The following HS6ST3 variants were observed in gnomAD, a reference collection of about 807,000 sequenced individuals.
HS6ST3 encodes the protein heparan sulfate 6-O-sulfotransferase 3.
Under a neutral mutation model 36.7 loss-of-function variants are expected in HS6ST3, and 12 were observed. The ratio of observed to expected loss-of-function variants is 0.33; its 90% CI spans 0.21 to 0.53. HS6ST3 has a LOEUF of 0.53. HS6ST3 is among the 20% of genes least tolerant of loss of function. HS6ST3 has a pLI of 0.95. For missense variants in HS6ST3, 584 were observed against 640.9 expected (o/e 0.91, Z 0.96); for synonymous variants, 240 against 257.5 (o/e 0.93, Z 0.65).
intron 1 of HS6ST3, among the ~76,000 whole-genome samples, chr13:96,235,507 A>T (rs1010673942): frequency 2.0e-5 from 3 of 152,206 alleles, no homozygotes; most frequent in Non-Finnish European, 4.4e-5. Context: ...GTAAGATGGG[A>T]TCACCATTCC....
intron 1 of HS6ST3, among the ~76,000 whole-genome samples, chr13:96,531,325 G>A (rs940490176): frequency 6.6e-6 from 1 of 152,184 alleles, no homozygotes; most frequent in African/African-American, 2.4e-5. Flanking sequence ...TAAATATGAA[G>A]TTAAATATGG....
intron 1 of HS6ST3, among the ~76,000 whole-genome samples, chr13:96,372,989 C>T (rs778134040): frequency 1.3e-5 from 2 of 152,150 alleles, no homozygotes; most frequent in African/African-American, 4.8e-5. Flanking sequence ...GGACCATGCT[C>T]CTTCTGAAGG....
At chr13:96,324,813 C>G (rs1451492000) in intron 1 of HS6ST3, among the ~76,000 whole-genome samples, 2 of 152,304 alleles carry the variant, frequency 1.3e-5, no homozygotes, top group East Asian at 3.9e-4. Context: ...AATAGATTGT[C>G]TCTCCCAGTT....
chr13:96,305,695 G>A (rs552314804), intron 1 of HS6ST3, among the ~76,000 whole-genome samples: 4 of 151,930 alleles, frequency 2.6e-5, no homozygotes, highest in African/African-American at 9.7e-5. Flanking sequence ...ATAATTATTA[G>A]CTATTTTTAC....
chr13:96,495,329 G>A (rs189843538), intron 1 of HS6ST3, among the ~76,000 whole-genome samples: 2 of 152,104 alleles, frequency 1.3e-5, no homozygotes, highest in Admixed American at 1.3e-4. Flanking sequence ...CTCTCCTTTT[G>A]TTTTTACTTT....
chr13:96,616,514 C>T (rs1333533543), intron 1 of HS6ST3, among the ~76,000 whole-genome samples: 1 of 152,122 alleles, frequency 6.6e-6, no homozygotes, highest in Non-Finnish European at 1.5e-5. Context: ...ACAAACCCAA[C>T]CTAAGTACCC....
At chr13:96,184,969 A>G (rs944289604) in intron 1 of HS6ST3, among the ~76,000 whole-genome samples, 19 of 152,318 alleles carry the variant, frequency 1.2e-4, no homozygotes, top group Admixed American at 9.8e-4. Context: ...ATATATATCT[A>G]TTTAACTTTT....
At chr13:96,816,678 A>G (rs1924577) in intron 1 of HS6ST3, among the ~76,000 whole-genome samples, 41,734 of 152,138 alleles carry the variant, frequency 0.27, 6,006 homozygotes, top group East Asian at 0.43. Context: ...ACATGCCACA[A>G]AAGTGCTCCT....
At chr13:96,483,153 G>A (rs2055897419) in intron 1 of HS6ST3, among the ~76,000 whole-genome samples, 1 of 152,204 alleles carries the variant, frequency 6.6e-6, no homozygotes, top group African/African-American at 2.4e-5. Context: ...AAAGGAATAT[G>A]GCTTGATGGT....
At chr13:96,239,697 G>A (rs571600996) in intron 1 of HS6ST3, among the ~76,000 whole-genome samples, 4 of 152,258 alleles carry the variant, frequency 2.6e-5, no homozygotes, top group East Asian at 3.9e-4. Context: ...TATATAAAAG[G>A]CAAGGCAGAC....
chr13:96,307,604 T>C (rs901221894), intron 1 of HS6ST3, among the ~76,000 whole-genome samples: 1 of 152,130 alleles, frequency 6.6e-6, no homozygotes. Context: ...AGGAAATAAT[T>C]TATTGTATTT....
At chr13:96,763,471 A>G (rs921040839) in intron 1 of HS6ST3, among the ~76,000 whole-genome samples, 1 of 150,756 alleles carries the variant, frequency 6.6e-6, no homozygotes, top group Admixed American at 6.6e-5. Context: ...AGCCTGGGCA[A>G]CAGAGTAAGA....
At chr13:96,626,003 A>AT (rs1049734666) in intron 1 of HS6ST3, among the ~76,000 whole-genome samples, 13 of 44,946 alleles carry the variant, frequency 2.9e-4, no homozygotes, top group African/African-American at 1.0e-3. Context: ...CGCCCGGCTA[A>AT]TTTTTTGTAT....
chr13:96,418,614 A>G (rs909467952), intron 1 of HS6ST3, among the ~76,000 whole-genome samples: 1 of 152,114 alleles, frequency 6.6e-6, no homozygotes, highest in African/African-American at 2.4e-5. Flanking sequence ...AGGTGCTATA[A>G]GAGATGCAAA....
At chr13:96,218,081 T>A (rs546541283) in intron 1 of HS6ST3, among the ~76,000 whole-genome samples, 95 of 152,226 alleles carry the variant, frequency 6.2e-4, no homozygotes, top group Non-Finnish European at 1.8e-4. Context: ...TAAAGGAGAC[T>A]TTAATTATGA....
intron 1 of HS6ST3, chr13:96,573,856 T>C: frequency 2.2e-6 from 1 of 448,040 alleles, no homozygotes; most frequent in Non-Finnish European, 4.3e-6. Context: ...ATCACACGAA[T>C]GAATCCAGCA....
At chr13:96,104,433 C>T (rs1241320389) in intron 1 of HS6ST3, among the ~76,000 whole-genome samples, 1 of 152,130 alleles carries the variant, frequency 6.6e-6, no homozygotes, top group East Asian at 1.9e-4. Flanking sequence ...ATAGAAAACC[C>T]TAAGATTCAC....
chr13:96,689,451 G>A (rs966729444), intron 1 of HS6ST3, among the ~76,000 whole-genome samples: 1 of 151,876 alleles, frequency 6.6e-6, no homozygotes, highest in Non-Finnish European at 1.5e-5. Context: ...TATAGTTTAT[G>A]CAGATGCCCT....
At chr13:96,699,186 A>G (rs1747299693) in intron 1 of HS6ST3, among the ~76,000 whole-genome samples, 1 of 152,216 alleles carries the variant, frequency 6.6e-6, no homozygotes, top group African/African-American at 2.4e-5. Flanking sequence ...GGACATAGGT[A>G]TGGGCAAGGA....
Sources: allele counts gnomAD v4.1 joint callset (sites outside exome capture counted in the v4.1 genomes callset), GRCh38; gene constraint gnomAD v4.1.1; transcripts MANE v1.5; gene names NCBI Gene and HGNC (gene_info 2026-07-23, HGNC 2026-07-21).